Variants in NOTCH2NLC observed in about 807,000 individuals in gnomAD.
NOTCH2NLC encodes notch 2 N-terminal like C, also known as notch homolog 2 N-terminal-like protein C.
NOTCH2NLC carries 4 observed loss-of-function variants against 17.7 expected under a neutral mutation model. The ratio of observed to expected loss-of-function variants is 0.23; its 90% CI spans 0.11 to 0.52. NOTCH2NLC has a LOEUF of 0.52. Ranked by LOEUF, NOTCH2NLC falls within the 20% of genes least tolerant of loss-of-function variation. The pLI, the probability that NOTCH2NLC is intolerant of heterozygous loss-of-function variation, is 0.96. For missense variants in NOTCH2NLC, 57 were observed against 207.2 expected, an observed-to-expected ratio of 0.28 and a Z score of 4.45; for synonymous variants, 18 against 86.0, an observed-to-expected ratio of 0.21 and a Z score of 4.38.
At position 149,462,464 on chromosome 1, in the gene NOTCH2NLC, C is replaced by T; in HGVS notation, c.470-1027C>T. Among the ~76,000 whole-genome samples the T allele has an allele frequency of 2.2e-5, 3 of 135,050 alleles. No individual in the cohort carries two copies. In the East Asian group the frequency reaches 6.4e-4, roughly 29 times the overall value. 88.6% of individuals were successfully genotyped at this position (135,050 alleles called of 152,430 possible). ...AGAGGTCCTTCATCATTTTCAAACA[C>T]ATCAACAGATATTTATAGCAAGGCC... On this transcript the variant is annotated intron_variant, in intron 3 of 4. Coordinates refer to ENST00000650865, the MANE Select transcript of NOTCH2NLC (RefSeq NM_001364013.2).
intron 3 of NOTCH2NLC, among the ~76,000 whole-genome samples, chr1:149,462,870 G>C (rs2084657943): frequency 1.6e-5 from 2 of 128,358 alleles, no homozygotes; most frequent in East Asian, 2.2e-4. Context: ...GAGTCTTGCT[G>C]TGTTGCCCAG....
At chr1:149,395,970 A>G (rs1570897723) in intron 1 of NOTCH2NLC, among the ~76,000 whole-genome samples, 2 of 150,848 alleles carry the variant, frequency 1.3e-5, no homozygotes, top group African/African-American at 2.4e-5. Context: ...TGCTACACAC[A>G]TTTCTTCTCT....
chr1:149,410,365 AAC>A (rs1440289271), intron 1 of NOTCH2NLC, among the ~76,000 whole-genome samples: 9 of 149,994 alleles, frequency 6.0e-5, no homozygotes, highest in Non-Finnish European at 1.2e-4. Context: ...TTTGATAAAA[AAC>A]AGTGTGTTTT....
Position 149,450,194 on chromosome 1 carries a change from A to G in NOTCH2NLC, c.210-5124A>G, listed in dbSNP as rs1455716696. ...AAAGAGCTTTCTCACAGTGGAATCC[A>G]CCACATTGAAGACTGTTCTTTTGTT... is the stretch of plus-strand genomic sequence containing the variant. On this transcript the variant is annotated intron_variant, in intron 2 of 4. Coordinates refer to ENST00000650865, the MANE Select transcript of NOTCH2NLC (RefSeq NM_001364013.2). Among the ~76,000 whole-genome samples, 95 of 144,696 alleles carry G rather than the reference A, an allele frequency of 6.6e-4. 7 individuals carry two copies. Among genetic ancestry groups the G allele is most frequent in the African/African-American group, 2.4e-3 (92 of 38,946 alleles). The allele number at this position is 144,696 out of a possible 152,430, so 94.9% of individuals were successfully genotyped here.
intron 2 of NOTCH2NLC, among the ~76,000 whole-genome samples, chr1:149,444,893 A>T (rs1307801620): frequency 0.036 from 5,394 of 148,736 alleles, 253 homozygotes; most frequent in Non-Finnish European, 0.05. Context: ...ACTTTTTTTT[A>T]AAGTTCTTTT....
intron 1 of NOTCH2NLC, among the ~76,000 whole-genome samples, chr1:149,417,226 CA>C (rs2084341084): frequency 6.8e-6 from 1 of 147,388 alleles, no homozygotes; most frequent in South Asian, 2.2e-4. Context: ...TCTCCTGCCT[CA>C]GCCTCCCAAG....
intron 1 of NOTCH2NLC, among the ~76,000 whole-genome samples, chr1:149,396,010 G>C (rs1270511454): frequency 1.6e-4 from 24 of 148,584 alleles, no homozygotes; most frequent in Admixed American, 6.0e-4. Flanking sequence ...GCATGTGCCC[G>C]AAATTCAGAG....
intron 2 of NOTCH2NLC, among the ~76,000 whole-genome samples, chr1:149,432,291 ACAAGATTTTTTTTT>A: frequency 6.6e-6 from 1 of 150,710 alleles, no homozygotes; most frequent in African/African-American, 2.4e-5. Flanking sequence ...AATGTTATAA[ACAAGATTTTTTTTT>A]CAAGTCAGAA....
At chr1:149,417,148 C>T (rs1285646627) in intron 1 of NOTCH2NLC, among the ~76,000 whole-genome samples, 4 of 107,580 alleles carry the variant, frequency 3.7e-5, no homozygotes, top group Non-Finnish European at 5.2e-5. Context: ...CTCGCTCTTT[C>T]GCCCAGGCTG....
chr1:149,424,996 T>C (rs1236521757), intron 1 of NOTCH2NLC, among the ~76,000 whole-genome samples: 1 of 151,346 alleles, frequency 6.6e-6, no homozygotes, highest in Non-Finnish European at 1.5e-5. Flanking sequence ...CATTGGGGAT[T>C]ACGTTTCAAC....
chr1:149,442,234 A>G (rs1201686424), intron 2 of NOTCH2NLC, among the ~76,000 whole-genome samples: 2 of 148,592 alleles, frequency 1.3e-5, no homozygotes, highest in African/African-American at 2.5e-5. Context: ...TTGTTTAAAT[A>G]TATTGTTCCT....
chr1:149,392,797 C>A (rs2084178395), intron 1 of NOTCH2NLC, among the ~76,000 whole-genome samples: 2 of 151,004 alleles, frequency 1.3e-5, no homozygotes, highest in African/African-American at 2.4e-5. Flanking sequence ...ATTGGCCGGG[C>A]GCGGTGGCTC....
chr1:149,409,022 A>G (rs2084284095), intron 1 of NOTCH2NLC: 2 of 979,914 alleles, frequency 2.0e-6, no homozygotes, highest in Admixed American at 6.2e-5. Context: ...CACCTCTTTC[A>G]CTAAGAAGAA....
chr1:149,416,089 G>A (rs2101475813), intron 1 of NOTCH2NLC, among the ~76,000 whole-genome samples: 1 of 135,264 alleles, frequency 7.4e-6, no homozygotes, highest in South Asian at 2.6e-4. Flanking sequence ...GGAATAAGGT[G>A]GCATTTTGTG....
intron 2 of NOTCH2NLC, among the ~76,000 whole-genome samples, chr1:149,454,701 C>A (rs1393030131): frequency 6.6e-6 from 1 of 151,038 alleles, no homozygotes; most frequent in Non-Finnish European, 1.5e-5. Flanking sequence ...CCTGTACCTC[C>A]TTTCCCTTTT....
chr1:149,400,141 T>A (rs1435658354), intron 1 of NOTCH2NLC, among the ~76,000 whole-genome samples: 1,732 of 127,054 alleles, frequency 0.014, 80 homozygotes, highest in East Asian at 0.046. Flanking sequence ...TAATATATAT[T>A]TTTTTTTTAG....
At chr1:149,393,276 T>TA (rs2084185813) in intron 1 of NOTCH2NLC, among the ~76,000 whole-genome samples, 1 of 150,762 alleles carries the variant, frequency 6.6e-6, no homozygotes, top group African/African-American at 2.4e-5. Context: ...AGGATTTAGA[T>TA]ATTTTGATTT....
chr1:149,394,358 T>C (rs2084193518), intron 1 of NOTCH2NLC, among the ~76,000 whole-genome samples: 2 of 150,992 alleles, frequency 1.3e-5, no homozygotes, highest in African/African-American at 4.9e-5. Context: ...CCATAACAAA[T>C]GTAACCTTAG....
At chr1:149,432,428 C>G (rs1281797745) in intron 2 of NOTCH2NLC, among the ~76,000 whole-genome samples, 1 of 150,676 alleles carries the variant, frequency 6.6e-6, no homozygotes, top group Non-Finnish European at 1.5e-5. Context: ...TTTTATGTAG[C>G]TTATTATGGG....
Sources: gnomAD v4.1 joint callset for allele counts (sites outside exome capture counted in the v4.1 genomes callset) on GRCh38, gnomAD v4.1.1 for gene constraint, MANE v1.5 for transcripts, NCBI Gene and HGNC (gene_info 2026-07-23, HGNC 2026-07-21) for gene names.